KLHL1: variants seen among roughly 807,000 people sequenced by gnomAD.
KLHL1 encodes kelch like family member 1.
Under a neutral mutation model 77.7 loss-of-function variants are expected in KLHL1, and 47 were observed. That is an observed-to-expected ratio of 0.60 (90% CI 0.48 to 0.77). The LOEUF (loss-of-function observed/expected upper bound fraction) is 0.77. KLHL1 is among the 30% of genes least tolerant of loss of function. The pLI is 0.00. For missense variants in KLHL1, 925 were observed against 910.8 expected, an observed-to-expected ratio of 1.02 and a Z score of -0.20; for synonymous variants, 360 against 325.2, an observed-to-expected ratio of 1.11 and a Z score of -1.15.
intron 6 of KLHL1, among the ~76,000 whole-genome samples, chr13:69,827,056 G>A (rs1207554408): frequency 1.3e-5 from 2 of 150,860 alleles, no homozygotes; most frequent in Non-Finnish European, 2.9e-5. Flanking sequence ...TTTGAAATGT[G>A]GGCTGAATTT....
chr13:69,819,947 T>C (rs994784020), intron 6 of KLHL1, among the ~76,000 whole-genome samples: 2 of 152,228 alleles, frequency 1.3e-5, no homozygotes, highest in Admixed American at 1.3e-4. Flanking sequence ...CAGAGGGCTC[T>C]CTGCTTGCCA....
chr13:69,872,917 T>A (rs558560521), intron 5 of KLHL1, among the ~76,000 whole-genome samples: 1 of 152,010 alleles, frequency 6.6e-6, no homozygotes, highest in African/African-American at 2.4e-5. Context: ...CCTCCAACAC[T>A]GGGGATTAAA....
At chr13:69,714,883 T>G (rs1218063599) in intron 9 of KLHL1, among the ~76,000 whole-genome samples, 1 of 152,188 alleles carries the variant, frequency 6.6e-6, no homozygotes, top group African/African-American at 2.4e-5. Flanking sequence ...TGTGAGCCAC[T>G]GCACCCGGCC....
intron 10 of KLHL1, among the ~76,000 whole-genome samples, chr13:69,703,538 A>G (rs920185285): frequency 2.0e-5 from 3 of 151,606 alleles, no homozygotes; most frequent in Non-Finnish European, 4.4e-5. Context: ...CTAAGTGTAG[A>G]GAGTTTTTTA....
intron 4 of KLHL1, among the ~76,000 whole-genome samples, chr13:69,899,408 G>C (rs2138223638): frequency 6.6e-6 from 1 of 152,276 alleles, no homozygotes; most frequent in Non-Finnish European, 1.5e-5. Flanking sequence ...TGTGTGGCAA[G>C]GTCATCCTCT....
At chr13:69,871,148 A>C (rs946098419) in intron 5 of KLHL1, among the ~76,000 whole-genome samples, 41 of 152,284 alleles carry the variant, frequency 2.7e-4, no homozygotes, top group Non-Finnish European at 8.8e-5. Flanking sequence ...CAGACTTAAC[A>C]AGATATGGAA....
intron 4 of KLHL1, among the ~76,000 whole-genome samples, chr13:69,891,477 A>T (rs1881423779): frequency 6.6e-6 from 1 of 152,072 alleles, no homozygotes; most frequent in African/African-American, 2.4e-5. Flanking sequence ...AAGTGGTCTC[A>T]GACAAAATGC....
At chr13:69,785,472 A>C (rs1297339932) in intron 7 of KLHL1, among the ~76,000 whole-genome samples, 1 of 152,198 alleles carries the variant, frequency 6.6e-6, no homozygotes, top group East Asian at 1.9e-4. Context: ...ACAAAGACAC[A>C]ACACACCAGA....
intron 3 of KLHL1, among the ~76,000 whole-genome samples, chr13:69,945,071 C>T (rs1381476041): frequency 1.3e-5 from 2 of 149,562 alleles, no homozygotes; most frequent in African/African-American, 4.9e-5. Flanking sequence ...CTGCAACCTC[C>T]ACCTCCCGGG....
chr13:69,921,739 C>A (rs766147327), intron 4 of KLHL1, among the ~76,000 whole-genome samples: 34 of 152,086 alleles, frequency 2.2e-4, no homozygotes, highest in Non-Finnish European at 4.0e-4. Context: ...AGATCAATAG[C>A]CTCTAGCTTT....
chr13:69,910,860 A>T (rs1882213663), intron 4 of KLHL1, among the ~76,000 whole-genome samples: 1 of 152,150 alleles, frequency 6.6e-6, no homozygotes, highest in African/African-American at 2.4e-5. Flanking sequence ...GCCAGAGGAC[A>T]CATATATAAG....
intron 6 of KLHL1, among the ~76,000 whole-genome samples, chr13:69,835,607 G>T (rs958341500): frequency 2.0e-5 from 3 of 152,066 alleles, no homozygotes; most frequent in African/African-American, 7.2e-5. Flanking sequence ...CTCATTAGAG[G>T]AAGGCATCTG....
intron 7 of KLHL1, among the ~76,000 whole-genome samples, chr13:69,790,994 G>C (rs546874302): frequency 6.6e-6 from 1 of 152,134 alleles, no homozygotes; most frequent in Non-Finnish European, 1.5e-5. Context: ...ATATTTAATA[G>C]TGAAAGTCAC....
chr13:70,085,812 C>A (rs558172250), intron 1 of KLHL1, among the ~76,000 whole-genome samples: 1 of 151,992 alleles, frequency 6.6e-6, no homozygotes, highest in Non-Finnish European at 1.5e-5. Flanking sequence ...TGCAGTGAGC[C>A]GAGATCGCAC....
intron 1 of KLHL1, among the ~76,000 whole-genome samples, chr13:70,012,201 G>A (rs1424438948): frequency 6.6e-6 from 1 of 152,082 alleles, no homozygotes; most frequent in Non-Finnish European, 1.5e-5. Flanking sequence ...TTGTCTCACA[G>A]CATTCTTCAA....
At chr13:69,855,993 A>G (rs1879905701) in intron 5 of KLHL1, among the ~76,000 whole-genome samples, 1 of 147,846 alleles carries the variant, frequency 6.8e-6, no homozygotes, top group African/African-American at 2.5e-5. Context: ...TATATATTAT[A>G]TATATAATTA....
At chr13:69,983,365 T>C (rs1288791002) in intron 1 of KLHL1, among the ~76,000 whole-genome samples, 1 of 151,960 alleles carries the variant, frequency 6.6e-6, no homozygotes, top group Non-Finnish European at 1.5e-5. Context: ...TTGTATGAAA[T>C]TTATATGGAA....
At chr13:70,006,433 T>G (rs1187579253) in intron 1 of KLHL1, among the ~76,000 whole-genome samples, 12 of 151,996 alleles carry the variant, frequency 7.9e-5, no homozygotes, top group African/African-American at 2.7e-4. Context: ...TTCTTTCTTG[T>G]ATTGTCTTTG....
At position 69,951,679 on chromosome 13, in the gene KLHL1, T is replaced by A. The variant is rs559960109; in HGVS notation, c.817+9629A>T. 3.3e-5 allele frequency among the ~76,000 whole-genome samples: 5 copies of A among 151,640 alleles called. No homozygotes were observed. The East Asian group carries it at 9.7e-4, about 29-fold the overall frequency. ...AGATTTTGTATTTTTGTTTAACAGGTAATTTTTTATGATGCTCTATCTTGG... is the reference window on the plus strand; with the variant it reads ...AGATTTTGTATTTTTGTTTAACAGGAAATTTTTTATGATGCTCTATCTTGG... On this transcript the variant is annotated intron_variant, in intron 3 of 10. Transcript: ENST00000377844.
Sources: gnomAD v4.1 joint callset for allele counts (sites outside exome capture counted in the v4.1 genomes callset) on GRCh38, gnomAD v4.1.1 for gene constraint, MANE v1.5 for transcripts, NCBI Gene and HGNC (gene_info 2026-07-23, HGNC 2026-07-21) for gene names.